Variants in WDFY4 observed in about 807,000 individuals in gnomAD.
WDFY4 encodes WDFY family member 4.
Under a neutral mutation model 351.9 loss-of-function variants are expected in WDFY4, and 169 were observed. The observed-to-expected ratio is 0.48, with a 90% CI of 0.42 to 0.55. The LOEUF is 0.55. Ranked by LOEUF, WDFY4 falls within the 20% of genes least tolerant of loss-of-function variation. The pLI is 0.00. For missense variants in WDFY4, 3,803 were observed against 3,935.6 expected (o/e 0.97, Z 0.90); for synonymous variants, 1,622 against 1,574.6 (o/e 1.03, Z -0.71).
rs1417924305 is a variant in WDFY4, at chr10:48,807,921, A to C, written c.4801A>C (p.Ser1601Arg). Residue 1601 changes from serine (S) to arginine (R), a missense_variant, in exon 28 of 62, where the codon AGT becomes CGT. Ser to Arg is a moderately radical substitution (Grantham distance 110). Around this residue, in one of 3 missense-constraint regions of WDFY4, gnomAD observed 3,054 missense variants for 3,148.6 expected, o/e 0.97. Transcript: ENST00000325239. ...LRNQLLEMLL[S>R]VISSPQLHLS... is the part of the protein sequence containing the mutation. ...AAACCAGTTGCTGGAGATGCTGCTCAGTGTAATATCTTCCCCCCAGCTTCA... is the reference window on the plus strand; with the variant it reads ...AAACCAGTTGCTGGAGATGCTGCTCCGTGTAATATCTTCCCCCCAGCTTCA... 1.9e-6 allele frequency: 3 copies of C among 1,550,342 alleles called. No homozygotes were observed. In the African/African-American group the frequency reaches 4.1e-5, roughly 21 times the overall value.
chr10:48,765,093 A>C (rs776502339), intron 13 of WDFY4, among the ~76,000 whole-genome samples: 3 of 152,264 alleles, frequency 2.0e-5, no homozygotes, highest in Admixed American at 6.5e-5. Flanking sequence ...AAAGGCTAAA[A>C]TAGAACACAT....
intron 19 of WDFY4, among the ~76,000 whole-genome samples, chr10:48,781,042 C>A (rs2066204151): frequency 6.6e-6 from 1 of 152,124 alleles, no homozygotes; most frequent in Non-Finnish European, 1.5e-5. Context: ...CAGTTGTGAC[C>A]ACCAGTAACA....
chr10:48,720,297 G>A (rs1011599580), intron 3 of WDFY4, among the ~76,000 whole-genome samples, 172 bp downstream of exon 3: 1 of 152,188 alleles, frequency 6.6e-6, no homozygotes, highest in Non-Finnish European at 1.5e-5. Context: ...GGGAAATGCA[G>A]GAGGAGGGAA....
intron 2 of WDFY4, among the ~76,000 whole-genome samples, chr10:48,710,499 A>G (rs2063741475): frequency 1.3e-5 from 2 of 152,232 alleles, no homozygotes; most frequent in African/African-American, 4.8e-5. Flanking sequence ...AAGGACAGAC[A>G]GTTAGCTTCT....
In WDFY4 at chr10:48,897,446, C is replaced by G; in HGVS notation, c.7317-8C>G. Reference sequence around the variant, plus strand: ...AACATGTGCCCTGCATGCCTGTTTCCTTTTCAGCATCAGCGATCCGTTCAT... The same window carrying G: ...AACATGTGCCCTGCATGCCTGTTTCGTTTTCAGCATCAGCGATCCGTTCAT... On this transcript the variant is annotated splice_region_variant and splice_polypyrimidine_tract_variant and intron_variant, in intron 44 of 61. Transcript: ENST00000325239. 1 of 1,550,652 alleles carries G rather than the reference C, an allele frequency of 6.4e-7. No homozygotes were observed. The highest frequency in any genetic ancestry group is 8.7e-7 in the Non-Finnish European group (1 of 1,146,392).
At position 48,806,211 on chromosome 10, in the gene WDFY4, A is replaced by G. The variant is rs1467949562; in HGVS notation, c.4738+116A>G. On this transcript the variant is annotated intron_variant, in intron 27 of 61. Transcript: ENST00000325239. Reference sequence around the variant, plus strand: ...AGGAAGGGGAAGGCACCCACAGCCAAGCCGTGGTTTCCAAGCCGTGGCCTG... The same window carrying G: ...AGGAAGGGGAAGGCACCCACAGCCAGGCCGTGGTTTCCAAGCCGTGGCCTG... 7 of 1,026,962 alleles carry G rather than the reference A, an allele frequency of 6.8e-6. No individual in the cohort carries two copies. In the African/African-American group the frequency reaches 1.1e-4, roughly 16 times the overall value. The allele number at this position is 1,026,962 out of a possible 1,614,324, so 63.6% of individuals were successfully genotyped here.
At chr10:48,821,636 G>C (rs1266036889) in intron 34 of WDFY4, among the ~76,000 whole-genome samples, 2 of 152,302 alleles carry the variant, frequency 1.3e-5, no homozygotes, top group East Asian at 1.9e-4. Context: ...AAAAAACTTG[G>C]TTCCAGGGCA....
intron 12 of WDFY4, among the ~76,000 whole-genome samples, chr10:48,759,356 C>G (rs563695736): frequency 6.6e-6 from 1 of 152,298 alleles, no homozygotes; most frequent in African/African-American, 2.4e-5. Context: ...TCCCTTCCTG[C>G]TCTGTCTAGA....
At chr10:48,703,691 C>T (rs1315970600) in intron 1 of WDFY4, among the ~76,000 whole-genome samples, 1 of 152,164 alleles carries the variant, frequency 6.6e-6, no homozygotes, top group Non-Finnish European at 1.5e-5. Context: ...ACTCCCAACT[C>T]TGCAAATCAC....
At chr10:48,977,677 C>G (rs937372370) in intron 59 of WDFY4, among the ~76,000 whole-genome samples, 10 of 152,234 alleles carry the variant, frequency 6.6e-5, no homozygotes, top group Non-Finnish European at 1.3e-4. Flanking sequence ...TGGGCCCCCC[C>G]AAAGCGTAAG....
At chr10:48,978,131 G>A (rs1287051110) in intron 59 of WDFY4, among the ~76,000 whole-genome samples, 178 bp from the exon 60 acceptor site, 1 of 152,232 alleles carries the variant, frequency 6.6e-6, no homozygotes. Flanking sequence ...TCTGCATGAG[G>A]AAGCTGAAGG....
rs142309959 is a variant in WDFY4, at chr10:48,815,958, TCTCTC to T, written c.5341-1284_5341-1280del. 7.4e-4 allele frequency among the ~76,000 whole-genome samples: 112 copies of T among 152,324 alleles called. No individual in the cohort carries two copies. In the East Asian group the frequency reaches 9.6e-3, roughly 13 times the overall value. On this transcript the variant is annotated intron_variant, in intron 31 of 61. Coordinates refer to ENST00000325239, the MANE Select transcript of WDFY4 (RefSeq NM_001394531.1). ...ATGCTAATATTATATAAAAAAGACTTCTCTCCTTTCTTTGTATTCAGCAAGACGTT... is the reference window on the plus strand; with the variant it reads ...ATGCTAATATTATATAAAAAAGACTTCTTTCTTTGTATTCAGCAAGACGTT...
At chr10:48,791,063 C>A (rs1334639185) in intron 23 of WDFY4, 146 bp downstream of exon 23, 15 of 1,024,534 alleles carry the variant, frequency 1.5e-5, no homozygotes, top group Non-Finnish European at 2.0e-5. Context: ...GTTCTGAGAC[C>A]AGCAACTTCG....
At chr10:48,753,021 T>A (rs2065229831) in intron 12 of WDFY4, among the ~76,000 whole-genome samples, 1 of 152,116 alleles carries the variant, frequency 6.6e-6, no homozygotes, top group East Asian at 1.9e-4. Flanking sequence ...TCCACAGGCT[T>A]GCCAATATTT....
chr10:48,733,997 T>C lies in WDFY4; in HGVS notation c.1649T>C (p.Ile550Thr). The C allele has an allele frequency of 6.4e-7, 1 of 1,552,018 alleles. No homozygotes were observed. Residue 550 changes from isoleucine (I) to threonine (T), a missense_variant, in exon 10 of 62, where the codon ATT (isoleucine) becomes ACT (threonine). Transcript: ENST00000325239. ...GAACTCACCTGTGTGATGCTGAGGA[T>C]TGTAGTCACACTTCTGAAAGGCTCG... ...ERELTCVMLR[I>T]VVTLLKGSVR...
chr10:48,714,541 C>T (rs993205752), intron 2 of WDFY4, among the ~76,000 whole-genome samples: 8 of 152,142 alleles, frequency 5.3e-5, no homozygotes, highest in African/African-American at 1.9e-4. Context: ...AGAACCTTTC[C>T]CATCGTATGG....
chr10:48,689,716 A>C (rs1043471723), intron 1 of WDFY4, among the ~76,000 whole-genome samples: 2 of 152,180 alleles, frequency 1.3e-5, no homozygotes, highest in African/African-American at 4.8e-5. Flanking sequence ...ATAGAGTTTG[A>C]GATGGATGAG....
intron 23 of WDFY4, among the ~76,000 whole-genome samples, chr10:48,795,543 A>G (rs1006524817): frequency 7.1e-6 from 1 of 141,022 alleles, no homozygotes; most frequent in Non-Finnish European, 1.5e-5. Context: ...ATACACACAC[A>G]TGAATAGTCT....
chr10:48,804,277 A>G (rs1052779737), intron 25 of WDFY4, among the ~76,000 whole-genome samples: 39 of 152,346 alleles, frequency 2.6e-4, no homozygotes, highest in Admixed American at 9.8e-4. Context: ...CCACTCATCC[A>G]CTTAATGAAC....
Sources: allele counts gnomAD v4.1 joint callset (sites outside exome capture counted in the v4.1 genomes callset), GRCh38; gene constraint gnomAD v4.1.1; regional missense constraint gnomAD v4.1.1; transcripts MANE v1.5; gene names NCBI Gene and HGNC (gene_info 2026-07-23, HGNC 2026-07-21).